Variants in ROBO2 observed in about 807,000 individuals in gnomAD.
ROBO2 encodes roundabout guidance receptor 2, also known as roundabout homolog 2.
Under a neutral mutation model 160.8 loss-of-function variants are expected in ROBO2, and 53 were observed. The ratio of observed to expected loss-of-function variants is 0.33; its 90% CI spans 0.26 to 0.41. The LOEUF (loss-of-function observed/expected upper bound fraction) is 0.41, where lower values mean the gene tolerates loss of function less well. Among genes scored for constraint, ROBO2 ranks in the 10% least tolerant of loss-of-function variants. ROBO2 has a pLI of 1.00. For synonymous variants in ROBO2, 664 were observed against 611.7 expected (o/e 1.09, Z -1.26); for missense variants, 1,577 against 1,722.4 (o/e 0.92, Z 1.49).
intron 2 of ROBO2, among the ~76,000 whole-genome samples, chr3:77,383,771 C>T (rs1373857276): frequency 6.6e-6 from 1 of 152,078 alleles, no homozygotes; most frequent in Non-Finnish European, 1.5e-5. Context: ...TTTCCTTTCC[C>T]TCTGCTTCAT....
intron 2 of ROBO2, among the ~76,000 whole-genome samples, chr3:76,005,587 GA>G (rs142081616): frequency 1.6e-4 from 25 of 152,286 alleles, no homozygotes; most frequent in African/African-American, 6.0e-4. Context: ...GTCTGTGATG[GA>G]TAGACTTGAC....
At chr3:77,385,223 G>A (rs1418533929) in intron 2 of ROBO2, among the ~76,000 whole-genome samples, 2 of 152,128 alleles carry the variant, frequency 1.3e-5, no homozygotes, top group African/African-American at 2.4e-5. Context: ...TAGAGAGGAG[G>A]TTTCATTATG....
At chr3:77,622,053 G>T (rs2094913027) in intron 22 of ROBO2, among the ~76,000 whole-genome samples, 174 bp from the exon 24 acceptor site, 1 of 151,976 alleles carries the variant, frequency 6.6e-6, no homozygotes. Flanking sequence ...TCCTTGTTTG[G>T]TGAGGCTCGT....
At chr3:76,933,899 C>T (rs1459648110) in intron 2 of ROBO2, among the ~76,000 whole-genome samples, 1 of 152,150 alleles carries the variant, frequency 6.6e-6, no homozygotes, top group Non-Finnish European at 1.5e-5. Flanking sequence ...ACAATTCTGT[C>T]TCTTCTAAAA....
At chr3:76,610,523 T>C (rs370690826) in intron 2 of ROBO2, among the ~76,000 whole-genome samples, 4 of 152,188 alleles carry the variant, frequency 2.6e-5, no homozygotes, top group Non-Finnish European at 5.9e-5. Context: ...AGGGGTGTTA[T>C]AACTCTTGCT....
At chr3:77,378,730 C>T (rs894923405) in intron 2 of ROBO2, among the ~76,000 whole-genome samples, 7 of 151,994 alleles carry the variant, frequency 4.6e-5, no homozygotes, top group Non-Finnish European at 1.0e-4. Context: ...TCTCTTGTGC[C>T]GTCTCTGAAC....
intron 2 of ROBO2, among the ~76,000 whole-genome samples, chr3:76,524,502 A>G (rs955497834): frequency 1.3e-5 from 2 of 151,878 alleles, no homozygotes; most frequent in Admixed American, 1.3e-4. Flanking sequence ...TTAAGCACCC[A>G]GATACTTAAC....
At chr3:76,050,137 C>T (rs1298682901) in intron 2 of ROBO2, among the ~76,000 whole-genome samples, 1 of 151,900 alleles carries the variant, frequency 6.6e-6, no homozygotes, top group Non-Finnish European at 1.5e-5. Context: ...GACTAGGAGA[C>T]ATAGAACCAC....
chr3:76,558,236 T>G (rs187498048), intron 2 of ROBO2, among the ~76,000 whole-genome samples: 1 of 152,230 alleles, frequency 6.6e-6, no homozygotes, highest in East Asian at 1.9e-4. Flanking sequence ...GGGTCTTCTC[T>G]TCTGACACTT....
rs149153442 is a variant in ROBO2, at chr3:76,530,728, T to G, written c.110-567286T>G. On this transcript the variant is annotated intron_variant, in intron 2 of 26. Coordinates refer to the ROBO2 transcript ENST00000487694. Reference sequence around the variant, plus strand: ...CTCCAGTGAAATGTGTGCACAAACTTTGGAAGGTTGAGAGTTTGGGAAAAT... The same window carrying G: ...CTCCAGTGAAATGTGTGCACAAACTGTGGAAGGTTGAGAGTTTGGGAAAAT... Among the ~76,000 whole-genome samples the G allele has an allele frequency of 3.2e-4, 48 of 152,256 alleles. No homozygotes were observed. In the East Asian group the frequency reaches 7.7e-3, roughly 25 times the overall value.
intron 2 of ROBO2, among the ~76,000 whole-genome samples, chr3:77,212,725 T>G (rs2084351596): frequency 6.6e-6 from 1 of 152,166 alleles, no homozygotes; most frequent in African/African-American, 2.4e-5. Context: ...CATAAATAGC[T>G]CTTATTATTT....
intron 12 of ROBO2, among the ~76,000 whole-genome samples, chr3:77,566,242 C>G (rs1271002862): frequency 6.6e-6 from 1 of 151,840 alleles, no homozygotes; most frequent in Non-Finnish European, 1.5e-5. Flanking sequence ...TGATGACAGT[C>G]AAGGGAGGAG....
chr3:75,923,593 C>G (rs1373166906), intron 1 of ROBO2, among the ~76,000 whole-genome samples: 2 of 152,182 alleles, frequency 1.3e-5, no homozygotes, highest in Non-Finnish European at 2.9e-5. Context: ...GTCCAGAACA[C>G]AAGAGGATGC....
chr3:76,057,703 A>AT (rs113923967), intron 2 of ROBO2, among the ~76,000 whole-genome samples: 3,156 of 151,222 alleles, frequency 0.021, 48 homozygotes, highest in East Asian at 0.088. Context: ...ACAAGACCAG[A>AT]TTTTTTTTTC....
intron 2 of ROBO2, among the ~76,000 whole-genome samples, chr3:76,539,936 G>A (rs1469763505): frequency 6.6e-6 from 1 of 152,110 alleles, no homozygotes; most frequent in Non-Finnish European, 1.5e-5. Context: ...TATACCTGAG[G>A]AAATCTGTAC....
At chr3:76,247,505 A>G (rs1705691798) in intron 2 of ROBO2, among the ~76,000 whole-genome samples, 1 of 152,122 alleles carries the variant, frequency 6.6e-6, no homozygotes, top group South Asian at 2.1e-4. Flanking sequence ...ATTTTCTGAA[A>G]GTTGGCACCT....
At chr3:76,073,114 T>C (rs2068516782) in intron 2 of ROBO2, among the ~76,000 whole-genome samples, 1 of 152,120 alleles carries the variant, frequency 6.6e-6, no homozygotes, top group African/African-American at 2.4e-5. Flanking sequence ...ACTGCTCTTG[T>C]ATCGTGGCTG....
At chr3:77,336,040 G>T (rs557192304) in intron 2 of ROBO2, among the ~76,000 whole-genome samples, 1 of 152,188 alleles carries the variant, frequency 6.6e-6, no homozygotes, top group East Asian at 1.9e-4. Context: ...GGACTATAAA[G>T]TTCCAGTAAC....
At chr3:76,989,655 G>T (rs1022050172) in intron 2 of ROBO2, among the ~76,000 whole-genome samples, 1 of 151,942 alleles carries the variant, frequency 6.6e-6, no homozygotes, top group African/African-American at 2.4e-5. Flanking sequence ...GTTTGGAGAA[G>T]GTTTTCTCCT....
Sources: allele counts gnomAD v4.1 joint callset (sites outside exome capture counted in the v4.1 genomes callset), GRCh38; gene constraint gnomAD v4.1.1; transcripts MANE v1.5; gene names NCBI Gene and HGNC (gene_info 2026-07-23, HGNC 2026-07-21).